The following TMEM67 variants were observed in gnomAD, a reference collection of about 807,000 sequenced individuals.
The protein encoded by TMEM67 is transmembrane protein 67, also known as meckelin.
Under a neutral mutation model 136.6 loss-of-function variants are expected in TMEM67, and 124 were observed. The ratio of observed to expected loss-of-function variants is 0.91; its 90% CI spans 0.78 to 1.05. TMEM67 has a LOEUF of 1.05. TMEM67 is among the 50% of genes least tolerant of loss of function. The pLI, the probability that TMEM67 is intolerant of heterozygous loss-of-function variation, is 0.00. For missense variants in TMEM67, 1,107 were observed against 1,178.4 expected (o/e 0.94, Z 0.89); for synonymous variants, 364 against 390.5 (o/e 0.93, Z 0.80).
chr8:93,803,610 T>C lies in TMEM67; in HGVS notation c.2248T>C (p.Phe750Leu). Reference protein sequence around the residue: ...WLAIGIIQVVFFAVFYERFIE... With the variant: ...WLAIGIIQVVLFAVFYERFIE... The stretch of plus-strand genomic sequence containing the variant: ...ACTTGACTTAATGTTTCAGGTCGTG[T>C]TCTTTGCTGTCTTTTATGAGAGATT... The change falls in exon 22 of 28, where the codon TTC becomes CTC. Residue 750 changes from phenylalanine to leucine, a missense_variant. Phe to Leu is a conservative substitution (Grantham distance 22). This residue lies in a region of TMEM67 where 925 missense variants were observed against 1,002.4 expected (regional missense o/e 0.92). Transcript: ENST00000453321. The C allele has an allele frequency of 6.3e-7, 1 of 1,595,646 alleles. No individual in the cohort carries two copies. Among genetic ancestry groups the C allele is most frequent in the Non-Finnish European group, 8.6e-7 (1 of 1,163,542 alleles).
intron 11 of TMEM67, among the ~76,000 whole-genome samples, chr8:93,784,133 T>A (rs1813987605): frequency 6.6e-6 from 1 of 152,250 alleles, no homozygotes; most frequent in Non-Finnish European, 1.5e-5. Context: ...TTCTTTTTTA[T>A]AATTTCCAAA....
chr8:93,795,242 AAGG>A, intron 16 of TMEM67, 164 bp from the exon 17 acceptor site: 1 of 672,726 alleles, frequency 1.5e-6, no homozygotes, highest in Non-Finnish European at 2.7e-6. Flanking sequence ...AAAAGGTAGC[AAGG>A]AGGAGGAAGC....
In TMEM67 at chr8:93,796,634, TAAG is replaced by T. The variant is rs374818460; in HGVS notation, c.1861-497_1861-495del. 4.4e-3 allele frequency among the ~76,000 whole-genome samples: 667 copies of T among 152,192 alleles called. 3 individuals carry two copies. The highest frequency in any genetic ancestry group is 0.01 in the Middle Eastern group (3 of 294). Reference sequence around the variant, plus strand: ...AGTTTAAACATATTGCTTGTATAAATAAGAAAGATGTGTTTCAACAGCACATTC... The same window carrying T: ...AGTTTAAACATATTGCTTGTATAAATAAAGATGTGTTTCAACAGCACATTC... On this transcript the variant is annotated intron_variant, in intron 18 of 27. Transcript: ENST00000453321.
chr8:93,810,260 C>G (rs2130784889), intron 26 of TMEM67, among the ~76,000 whole-genome samples: 1 of 149,520 alleles, frequency 6.7e-6, no homozygotes, highest in African/African-American at 2.4e-5. Context: ...TGAGCCACCA[C>G]CCCCAGCTGA....
Position 93,765,438 on chromosome 8 carries a change from C to G in TMEM67, c.539C>G (p.Thr180Ser). The G allele has an allele frequency of 6.2e-7, 1 of 1,611,856 alleles. No individual in the cohort carries two copies. Among genetic ancestry groups the G allele is most frequent in the Non-Finnish European group, 8.5e-7 (1 of 1,179,746 alleles). The change falls in exon 5 of 28, where the codon ACC becomes AGC. Residue 180 changes from threonine (T) to serine (S), a missense_variant. Physicochemically the swap from Thr to Ser is moderately conservative, Grantham distance 58. This residue lies in a region of TMEM67 where 925 missense variants were observed against 1,002.4 expected (regional missense o/e 0.92). Coordinates refer to ENST00000453321, the MANE Select transcript of TMEM67 (RefSeq NM_153704.6). ...CVRCEPTFVN[T>S]SRSCACSEPN... ...CGATGTGAGCCAACATTTGTTAATACCAGCAGGTCCTGTGCATGTTCAGAA... is the reference window on the plus strand; with the variant it reads ...CGATGTGAGCCAACATTTGTTAATAGCAGCAGGTCCTGTGCATGTTCAGAA...
intron 6 of TMEM67, among the ~76,000 whole-genome samples, chr8:93,771,734 C>T (rs1403496353): frequency 6.6e-6 from 1 of 152,146 alleles, no homozygotes; most frequent in East Asian, 1.9e-4. Flanking sequence ...ATTTTACATG[C>T]ATTTGTCAGT....
At chr8:93,786,388 T>C (rs1284298244) in intron 13 of TMEM67, 42 bp downstream of exon 13, 1 of 1,602,974 alleles carries the variant, frequency 6.2e-7, no homozygotes, top group Admixed American at 1.7e-5. Context: ...GAAAATATCA[T>C]AATGGAAGTG....
chr8:93,770,064 A>G (rs951280299), intron 6 of TMEM67, among the ~76,000 whole-genome samples: 3 of 152,220 alleles, frequency 2.0e-5, no homozygotes. Context: ...ATACATTAAT[A>G]GTGAAATAGC....
intron 6 of TMEM67, among the ~76,000 whole-genome samples, chr8:93,766,359 C>T (rs1359086814): frequency 6.6e-6 from 1 of 152,086 alleles, no homozygotes; most frequent in East Asian, 1.9e-4. Flanking sequence ...ACCTTGTGAC[C>T]CACCCACGTT....
At chr8:93,827,220 A>G in the TMEM67 span, among the ~76,000 whole-genome samples, 1 of 152,338 alleles carries the variant, frequency 6.6e-6, no homozygotes, top group East Asian at 1.9e-4. Context: ...CTGAGACAAC[A>G]TATACGAAAA....
intron 20 of TMEM67, among the ~76,000 whole-genome samples, chr8:93,798,182 C>G (rs185254454): frequency 1.7e-4 from 26 of 152,300 alleles, no homozygotes; most frequent in African/African-American, 6.3e-4. Flanking sequence ...GTGTGTTTGA[C>G]TGCTCTAGGT....
intron 3 of TMEM67, chr8:93,762,861 G>A: frequency 2.8e-6 from 1 of 359,892 alleles, no homozygotes; most frequent in Non-Finnish European, 5.7e-6. Flanking sequence ...CACAAATATT[G>A]TTCTAGCATA....
At chr8:93,787,264 T>C (rs1209756218) in intron 13 of TMEM67, among the ~76,000 whole-genome samples, 1 of 152,106 alleles carries the variant, frequency 6.6e-6, no homozygotes, top group East Asian at 1.9e-4. Flanking sequence ...TTTTTTTTAA[T>C]TTAAAAATTT....
intron 20 of TMEM67, 103 bp downstream of exon 20, chr8:93,797,573 A>G (rs1202581522): frequency 5.3e-6 from 6 of 1,126,962 alleles, no homozygotes; most frequent in Non-Finnish European, 7.8e-6. Context: ...AGATTTCTCT[A>G]AAGGTTGAAA....
intron 16 of TMEM67, 60 bp downstream of exon 16, chr8:93,793,356 C>T: frequency 1.5e-6 from 2 of 1,347,000 alleles, no homozygotes; most frequent in East Asian, 2.3e-5. Flanking sequence ...GGATCCTTCT[C>T]ATAAGACACA....
chr8:93,755,239 C>A, intron 1 of TMEM67, 102 bp downstream of exon 1: 1 of 1,188,146 alleles, frequency 8.4e-7, no homozygotes, highest in African/African-American at 1.5e-5. Context: ...AGGCTAGTCT[C>A]GAACTTCTGA....
intron 7 of TMEM67, among the ~76,000 whole-genome samples, chr8:93,773,138 G>A (rs1813396665): frequency 6.6e-6 from 1 of 152,124 alleles, no homozygotes; most frequent in Admixed American, 6.5e-5. Flanking sequence ...GCAAAGAACT[G>A]AAAAAAGTGA....
intron 21 of TMEM67, 143 bp downstream of exon 21, chr8:93,799,901 GTTCT>G: frequency 1.2e-5 from 5 of 430,198 alleles, no homozygotes; most frequent in African/African-American, 2.4e-5. Context: ...CTAATGGTCA[GTTCT>G]TTTTTTTTTT....
At chr8:93,761,181 C>T (rs1028128475) in intron 3 of TMEM67, among the ~76,000 whole-genome samples, 1 of 152,126 alleles carries the variant, frequency 6.6e-6, no homozygotes, top group Non-Finnish European at 1.5e-5. Context: ...TGCCTGTAAT[C>T]CCAGTTTCTT....
Sources: allele counts gnomAD v4.1 joint callset (sites outside exome capture counted in the v4.1 genomes callset), GRCh38; gene constraint gnomAD v4.1.1; regional missense constraint gnomAD v4.1.1; transcripts MANE v1.5; gene names NCBI Gene and HGNC (gene_info 2026-07-23, HGNC 2026-07-21).